Variants in SLC30A8 observed in about 807,000 individuals in gnomAD.
SLC30A8 encodes proton-coupled zinc antiporter SLC30A8.
A neutral mutation model predicts 36.9 loss-of-function variants in SLC30A8; 27 were observed. That is an observed-to-expected ratio of 0.73 (90% CI 0.54 to 1.01). SLC30A8 has a LOEUF of 1.01. Among genes scored for constraint, SLC30A8 ranks in the 50% least tolerant of loss-of-function variants. SLC30A8 has a pLI of 0.00. For synonymous variants in SLC30A8, 164 were observed against 172.4 expected (o/e 0.95, Z 0.38); for missense variants, 439 against 452.0 (o/e 0.97, Z 0.26).
rs1466795972 is a variant in SLC30A8, at chr8:117,172,562, C to A, written c.991C>A (p.Arg331=). ...TAASRDSQVV[R]REIAKALSKS... ...AGCCAGCCGGGACAGCCAAGTGGTTCGGAGAGAAATTGCTAAAGCCCTTAG... is the reference window on the plus strand; with the variant it reads ...AGCCAGCCGGGACAGCCAAGTGGTTAGGAGAGAAATTGCTAAAGCCCTTAG... Residue 331 remains arginine, a synonymous_variant, in exon 8 of 8, where the codon CGG becomes AGG. Transcript: ENST00000456015. The A allele has an allele frequency of 6.2e-7, 1 of 1,613,668 alleles. No individual in the cohort carries two copies. The highest frequency in any genetic ancestry group is 2.2e-5 in the East Asian group (1 of 44,842).
intron 2 of SLC30A8, among the ~76,000 whole-genome samples, chr8:117,050,445 G>T (rs1401496079): frequency 2.0e-5 from 3 of 148,316 alleles, no homozygotes; most frequent in African/African-American, 7.5e-5. Flanking sequence ...TCACTCTGTT[G>T]CCCAGGCTGG....
intron 2 of SLC30A8, among the ~76,000 whole-genome samples, chr8:117,060,798 C>T (rs1396287689): frequency 1.3e-5 from 2 of 152,138 alleles, no homozygotes; most frequent in African/African-American, 4.8e-5. Flanking sequence ...TTGAAACCAC[C>T]AGGTGGTTTA....
chr8:117,174,525 CG>C lies in SLC30A8; in HGVS notation c.*1847del, dbSNP rs1168211597. On this transcript the variant is annotated 3_prime_UTR_variant, in exon 8 of 8. Transcript: ENST00000456015. The stretch of plus-strand genomic sequence containing the variant: ...AGGTTCCCAACGTCTCCTGCCACAT[CG>C]GGTTCTCAAAATGGAAAGAATGGTT... 2 of 152,494 alleles carry C rather than the reference CG, an allele frequency of 1.3e-5. No homozygotes were observed. Among genetic ancestry groups the C allele is most frequent in the Admixed American group, 1.3e-4 (2 of 15,248 alleles). The allele number at this position is 152,494 out of a possible 1,614,324, so 9.4% of individuals were successfully genotyped here. A position where few individuals can be genotyped will look rare whatever the true frequency, so the allele number is the denominator to read the frequency against.
chr8:117,114,858 T>C (rs1820377850), intron 2 of SLC30A8, among the ~76,000 whole-genome samples: 2 of 152,048 alleles, frequency 1.3e-5, no homozygotes, highest in African/African-American at 2.4e-5. Flanking sequence ...CTTTAGGCTC[T>C]GTAAGTTAAT....
intron 1 of SLC30A8, among the ~76,000 whole-genome samples, chr8:117,024,791 T>C (rs1816822169): frequency 6.6e-6 from 1 of 152,016 alleles, no homozygotes; most frequent in African/African-American, 2.4e-5. Flanking sequence ...CATCATTATT[T>C]GTTTTTTTTA....
intron 2 of SLC30A8, among the ~76,000 whole-genome samples, chr8:117,116,298 T>C (rs767906468): frequency 6.6e-6 from 1 of 152,102 alleles, no homozygotes; most frequent in Admixed American, 6.6e-5. Context: ...TGTTTTGATC[T>C]AAAAAATACC....
At chr8:117,160,039 A>T (rs1224565986) in intron 4 of SLC30A8, among the ~76,000 whole-genome samples, 1 of 152,230 alleles carries the variant, frequency 6.6e-6, no homozygotes, top group Non-Finnish European at 1.5e-5. Flanking sequence ...ATGCTGAGTG[A>T]CTATAATATT....
chr8:117,003,271 A>C (rs143481132), intron 1 of SLC30A8, among the ~76,000 whole-genome samples: 81 of 152,326 alleles, frequency 5.3e-4, no homozygotes, highest in African/African-American at 1.8e-3. Flanking sequence ...TGGTATTGTC[A>C]ACACGTATGT....
At position 116,969,974 on chromosome 8, in the gene SLC30A8, C is replaced by G. The variant is rs143865911; in HGVS notation, c.-266+18855C>G. ...TAGAAAAAAATTTCTTTCTTTGATA[C>G]TAAATTAACCTTAGCTTACTTTAAC... On this transcript the variant is annotated intron_variant, in intron 1 of 10. Transcript: ENST00000427715. Among the ~76,000 whole-genome samples the G allele has an allele frequency of 6.7e-3, 1,019 of 152,142 alleles. 15 individuals are homozygous for G. The highest frequency in any genetic ancestry group is 0.063 in the East Asian group (324 of 5,174).
chr8:117,087,171 G>C (rs1454559804), intron 2 of SLC30A8, among the ~76,000 whole-genome samples: 1 of 152,164 alleles, frequency 6.6e-6, no homozygotes, highest in Non-Finnish European at 1.5e-5. Context: ...TTGGCATTCA[G>C]CTTTGTCTGG....
intron 1 of SLC30A8, among the ~76,000 whole-genome samples, chr8:116,982,703 C>A (rs929514178): frequency 6.6e-6 from 1 of 152,094 alleles, no homozygotes; most frequent in Non-Finnish European, 1.5e-5. Context: ...TTACATTGTT[C>A]CAGAATCTGC....
chr8:117,100,564 A>T (rs1277078333), intron 2 of SLC30A8, among the ~76,000 whole-genome samples: 1 of 152,176 alleles, frequency 6.6e-6, no homozygotes, highest in Non-Finnish European at 1.5e-5. Context: ...TGTGCTGGAA[A>T]CAAGAAGCCA....
At chr8:117,145,572 G>T (rs970808945) in intron 1 of SLC30A8, among the ~76,000 whole-genome samples, 15 of 152,150 alleles carry the variant, frequency 9.9e-5, no homozygotes, top group Non-Finnish European at 2.2e-4. Context: ...TTCAGAGTCA[G>T]GAATGCAAAG....
intron 2 of SLC30A8, among the ~76,000 whole-genome samples, chr8:117,061,691 C>T (rs958083434): frequency 6.6e-6 from 1 of 152,198 alleles, no homozygotes; most frequent in Non-Finnish European, 1.5e-5. Context: ...AAGCTGTGGG[C>T]TGCACTGGGG....
At chr8:117,062,961 G>T (rs1280340810) in intron 2 of SLC30A8, among the ~76,000 whole-genome samples, 1 of 152,144 alleles carries the variant, frequency 6.6e-6, no homozygotes, top group Non-Finnish European at 1.5e-5. Flanking sequence ...CCATTTATAC[G>T]GTGCAGGACC....
At chr8:116,956,075 A>C (rs1814191616) in intron 1 of SLC30A8, among the ~76,000 whole-genome samples, 1 of 152,244 alleles carries the variant, frequency 6.6e-6, no homozygotes, top group Non-Finnish European at 1.5e-5. Flanking sequence ...CAATAAATGT[A>C]CAGCAGCCCA....
intron 2 of SLC30A8, among the ~76,000 whole-genome samples, chr8:117,069,964 A>G (rs1355093886): frequency 6.6e-6 from 1 of 152,200 alleles, no homozygotes; most frequent in Non-Finnish European, 1.5e-5. Context: ...CCTCTCATAA[A>G]CACACACAGC....
At chr8:117,155,024 A>G (rs943340970) in intron 3 of SLC30A8, among the ~76,000 whole-genome samples, 3 of 152,206 alleles carry the variant, frequency 2.0e-5, no homozygotes, top group African/African-American at 4.8e-5. Context: ...GGTGGCTACC[A>G]TATTAAACAG....
At chr8:117,161,655 T>C (rs1228623813) in intron 4 of SLC30A8, 83 bp from the exon 5 acceptor site, 2 of 1,353,824 alleles carry the variant, frequency 1.5e-6, no homozygotes, top group African/African-American at 2.9e-5. Context: ...GGATAATGCA[T>C]GTTATTGCCA....
Sources: allele counts gnomAD v4.1 joint callset (sites outside exome capture counted in the v4.1 genomes callset), GRCh38; gene constraint gnomAD v4.1.1; transcripts MANE v1.5; gene names NCBI Gene and HGNC (gene_info 2026-07-23, HGNC 2026-07-21).